CPAMD8: variants seen among roughly 807,000 people sequenced by gnomAD.
The protein encoded by CPAMD8 is C3 and PZP-like alpha-2-macroglobulin domain-containing protein 8.
Under a neutral mutation model 224.7 loss-of-function variants are expected in CPAMD8, and 146 were observed. That is an observed-to-expected ratio of 0.65 (90% confidence interval 0.57 to 0.75). The LOEUF is 0.75. Among genes scored for constraint, CPAMD8 ranks in the 30% least tolerant of loss-of-function variants. The pLI is 0.00. For synonymous variants in CPAMD8, 966 were observed against 1,044.6 expected (o/e 0.92, Z 1.45); for missense variants, 2,301 against 2,537.5 (o/e 0.91, Z 2.00).
In CPAMD8 at chr19:16,897,985, G is replaced by A. The variant is rs200705564; in HGVS notation, c.4858C>T (p.Arg1620Trp). The A allele has an allele frequency of 6.2e-7, 1 of 1,609,998 alleles. No individual in the cohort carries two copies. Among genetic ancestry groups the A allele is most frequent in the Non-Finnish European group, 8.5e-7 (1 of 1,179,010 alleles). The change falls in exon 38 of 42, where the codon CGG (arginine) becomes TGG (tryptophan). Residue 1620 changes from arginine (R) to tryptophan (W), a missense_variant. Transcript: ENST00000443236. ...CGGAACCGCACGCACGTCAGGCACC[G>A]GCTGGGGATCTGTGGGGCAGCGGCG... Reference protein sequence around the residue: ...VLFYFDEIPSRCLTCVRFRAL... With the variant: ...VLFYFDEIPSWCLTCVRFRAL...
intron 18 of CPAMD8, among the ~76,000 whole-genome samples, chr19:16,958,132 A>G (rs1004694299): frequency 2.6e-5 from 4 of 152,118 alleles, no homozygotes; most frequent in African/African-American, 4.8e-5. Context: ...TTTTTTAAAA[A>G]CTTTATTTTA....
intron 26 of CPAMD8, among the ~76,000 whole-genome samples, chr19:16,924,525 C>T (rs1180684374): frequency 6.6e-6 from 1 of 152,174 alleles, no homozygotes; most frequent in Non-Finnish European, 1.5e-5. Flanking sequence ...CCATGATCAG[C>T]CTTCAAGATG....
intron 3 of CPAMD8, chr19:17,013,296 G>A (rs938203204): frequency 1.3e-5 from 2 of 152,054 alleles, no homozygotes; most frequent in African/African-American, 4.8e-5. Flanking sequence ...ATGGCTTGAG[G>A]CCAGAAGTTC....
At chr19:16,984,424 G>A (rs1488719353) in intron 13 of CPAMD8, among the ~76,000 whole-genome samples, 1 of 151,038 alleles carries the variant, frequency 6.6e-6, no homozygotes, top group Non-Finnish European at 1.5e-5. Context: ...CTAAATGTAA[G>A]AGCTGAAACT....
rs1358682602 is a variant in CPAMD8 at position 16,903,800 on chromosome 19, C to T, written c.4309G>A (p.Gly1437Ser). The T allele has an allele frequency of 3.7e-6, 6 of 1,614,042 alleles. No homozygotes were observed. In the Admixed American group the frequency reaches 8.3e-5, roughly 22 times the overall value. Reference sequence around the variant, plus strand: ...GCCAGGGAGACAGTGAGGTTGATGCCTCCAGCATAGGACAAGATGGCATAT... The same window carrying T: ...GCCAGGGAGACAGTGAGGTTGATGCTTCCAGCATAGGACAAGATGGCATAT... The part of the protein sequence containing the change: ...AEYAILSYAG[G>S]INLTVSLAST... The change falls in exon 33 of 42, where the codon GGC becomes AGC. Residue 1437 changes from glycine to serine, a missense_variant. This residue lies in a region of CPAMD8 where 1,709 missense variants were observed against 1,753.2 expected (regional missense o/e 0.97). Coordinates refer to ENST00000443236, the MANE Select transcript of CPAMD8 (RefSeq NM_015692.5).
intron 12 of CPAMD8, 86 bp from the exon 13 acceptor site, chr19:16,989,857 A>G (rs1035321332): frequency 7.9e-7 from 1 of 1,261,586 alleles, no homozygotes; most frequent in Non-Finnish European, 1.1e-6. Context: ...CTCTGCCCAG[A>G]AGAAACACCC....
chr19:16,958,313 C>G (rs2122475246), intron 18 of CPAMD8, among the ~76,000 whole-genome samples: 1 of 152,208 alleles, frequency 6.6e-6, no homozygotes, highest in South Asian at 2.1e-4. Flanking sequence ...TCTGTTCCCC[C>G]TTTTGTTTCC....
rs558814297 is a variant in CPAMD8 at position 17,018,171 on chromosome 19, C to T, written c.267+2160G>A. Among the ~76,000 whole-genome samples the T allele has an allele frequency of 3.9e-5, 6 of 152,198 alleles. No homozygotes were observed. The South Asian group carries it at 6.2e-4, about 16-fold the overall frequency. ...GCGCCTTATAATTTAAAATAATTCTCAATTTAGCCCATTCATTCGTAGACT... is the reference window on the plus strand; with the variant it reads ...GCGCCTTATAATTTAAAATAATTCTTAATTTAGCCCATTCATTCGTAGACT... On this transcript the variant is annotated intron_variant, in intron 3 of 41. Transcript: ENST00000443236.
intron 13 of CPAMD8, among the ~76,000 whole-genome samples, chr19:16,987,833 G>A (rs992945584): frequency 2.6e-5 from 4 of 151,488 alleles, no homozygotes; most frequent in African/African-American, 9.7e-5. Context: ...TTTTGTTTTT[G>A]TTTTTGTTTT....
chr19:17,024,172 G>A (rs908099694), intron 1 of CPAMD8, among the ~76,000 whole-genome samples: 3 of 152,214 alleles, frequency 2.0e-5, no homozygotes, highest in Admixed American at 6.5e-5. Context: ...GACGCAGTGG[G>A]TTTGTGTTGT....
chr19:17,019,472 T>C (rs1051679474), intron 3 of CPAMD8, among the ~76,000 whole-genome samples: 1 of 152,096 alleles, frequency 6.6e-6, no homozygotes, highest in Non-Finnish European at 1.5e-5. Flanking sequence ...TGTATGTGCA[T>C]GAACAAGAAT....
chr19:16,940,498 G>T lies in CPAMD8; in HGVS notation c.2794-2052C>A, dbSNP rs547345628. On this transcript the variant is annotated intron_variant, in intron 22 of 41. Transcript: ENST00000443236. ...AAGACCCCCAACTTCACCTTGTGAC[G>T]GGGTTATCATGCTTCAGAAAGGGTC... Among the ~76,000 whole-genome samples the T allele has an allele frequency of 2.0e-5, 3 of 152,246 alleles. No individual in the cohort carries two copies. The East Asian group carries it at 5.8e-4, about 29-fold the overall frequency.
At chr19:16,900,634 T>C (rs933363913) in intron 36 of CPAMD8, among the ~76,000 whole-genome samples, 2 of 151,840 alleles carry the variant, frequency 1.3e-5, no homozygotes, top group African/African-American at 2.4e-5. Flanking sequence ...AGTGGCCGCA[T>C]GGGAGATCCA....
intron 11 of CPAMD8, among the ~76,000 whole-genome samples, chr19:16,994,583 C>T (rs901662808): frequency 1.4e-5 from 2 of 143,916 alleles, no homozygotes; most frequent in Non-Finnish European, 3.0e-5. Context: ...TGAAGTGGCC[C>T]GATCATAGCT....
chr19:16,903,591 A>G lies in CPAMD8; in HGVS notation c.4440T>C (p.Ser1480=). 1.2e-6 allele frequency: 2 copies of G among 1,613,930 alleles called. No homozygotes were observed. Among genetic ancestry groups the G allele is most frequent in the Non-Finnish European group, 1.7e-6 (2 of 1,179,968 alleles). ...TCAGGCAGCAGCCGTCCCCCTTGGCACTCACAAACAGCCCCGTGGGGAGGC... is the reference window on the plus strand; with the variant it reads ...TCAGGCAGCAGCCGTCCCCCTTGGCGCTCACAAACAGCCCCGTGGGGAGGC... ...IPSLPTGLFV[S]AKGDGCCLMQ... The change falls in exon 34 of 42, where the codon AGT becomes AGC. Residue 1480 remains serine (S), a synonymous_variant. Transcript: ENST00000443236.
intron 17 of CPAMD8, among the ~76,000 whole-genome samples, chr19:16,973,196 G>A (rs947273320): frequency 6.6e-6 from 1 of 151,926 alleles, no homozygotes; most frequent in Non-Finnish European, 1.5e-5. Context: ...AGATTTTTTT[G>A]TTTGTTTGTT....
Position 17,020,347 on chromosome 19 carries a change from C to T in CPAMD8, c.251G>A (p.Gly84Glu). 6.3e-7 allele frequency: 1 copy of T among 1,584,158 alleles called. No homozygotes were observed. The change falls in exon 3 of 42, where the codon GGG becomes GAG. Residue 84 changes from glycine to glutamate, a missense_variant. Coordinates refer to ENST00000443236, the MANE Select transcript of CPAMD8 (RefSeq NM_015692.5). ...VQSQGAILDK[G>E]TIKLKVPTGL... ...ACGGCTTACCTTGAGTTTGATTGTC[C>T]CTTTATCTAAAAATGAAAATAAAAT...
chr19:16,979,587 T>G (rs1291853424), intron 14 of CPAMD8, among the ~76,000 whole-genome samples: 2 of 147,692 alleles, frequency 1.4e-5, no homozygotes, highest in Non-Finnish European at 3.0e-5. Context: ...TCCTTCCATC[T>G]ATCCACTGTT....
Position 16,896,222 on chromosome 19 carries a change from C to T in CPAMD8, c.5380G>A (p.Glu1794Lys), listed in dbSNP as rs1314542912. The T allele has an allele frequency of 6.2e-7, 1 of 1,613,872 alleles. No individual in the cohort carries two copies. The highest frequency in any genetic ancestry group is 1.7e-5 in the Admixed American group (1 of 60,024). ...QDVKLNGAGLEVEDSDPEPEG... is the reference protein window; with the variant it reads ...QDVKLNGAGLKVEDSDPEPEG... ...GGCTCAGGGTCTGAGTCCTCCACCTCAAGGCCGGCTCCATTCAGCTTCACG... is the reference window on the plus strand; with the variant it reads ...GGCTCAGGGTCTGAGTCCTCCACCTTAAGGCCGGCTCCATTCAGCTTCACG... Residue 1794 changes from glutamate (E) to lysine (K), a missense_variant, in exon 41 of 42, where the codon GAG (glutamate) becomes AAG (lysine). Glu to Lys is a moderately conservative substitution (Grantham distance 56). Transcript: ENST00000443236.
Sources: allele counts gnomAD v4.1 joint callset (sites outside exome capture counted in the v4.1 genomes callset), GRCh38; gene constraint gnomAD v4.1.1; regional missense constraint gnomAD v4.1.1; transcripts MANE v1.5; gene names NCBI Gene and HGNC (gene_info 2026-07-23, HGNC 2026-07-21).